The following ANKRD27 variants were observed in gnomAD, a reference collection of about 807,000 sequenced individuals.
ANKRD27 encodes ankyrin repeat domain 27, also known as ankyrin repeat domain-containing protein 27.
A neutral mutation model predicts 129.7 loss-of-function variants in ANKRD27; 112 were observed. The ratio of observed to expected loss-of-function variants is 0.86; its 90% CI spans 0.74 to 1.01. The LOEUF is 1.01. ANKRD27 is among the 50% of genes least tolerant of loss of function. ANKRD27 has a pLI of 0.00. For synonymous variants in ANKRD27, 516 were observed against 511.2 expected (o/e 1.01, Z -0.13); for missense variants, 1,258 against 1,300.5 (o/e 0.97, Z 0.50).
At chr19:32,665,709 T>C (rs1229914583) in intron 1 of ANKRD27, among the ~76,000 whole-genome samples, 1 of 152,008 alleles carries the variant, frequency 6.6e-6, no homozygotes, top group African/African-American at 2.4e-5. Context: ...TCCGCCCGCC[T>C]TGGCCTCACA....
At chr19:32,660,185 C>T (rs1017654410) in intron 1 of ANKRD27, among the ~76,000 whole-genome samples, 3 of 152,202 alleles carry the variant, frequency 2.0e-5, no homozygotes, top group Admixed American at 6.5e-5. Flanking sequence ...AATACTAACC[C>T]GCTAGGCGGG....
intron 3 of ANKRD27, among the ~76,000 whole-genome samples, chr19:32,648,888 G>A (rs1007553608): frequency 6.6e-6 from 1 of 151,754 alleles, no homozygotes; most frequent in Non-Finnish European, 1.5e-5. Flanking sequence ...CAGCTTGGGG[G>A]GAAGCACATT....
At chr19:32,654,865 T>C (rs1011853261) in intron 2 of ANKRD27, among the ~76,000 whole-genome samples, 1 of 152,140 alleles carries the variant, frequency 6.6e-6, no homozygotes, top group Non-Finnish European at 1.5e-5. Context: ...CATTGCAACC[T>C]CTGCCTCCAA....
intron 12 of ANKRD27, among the ~76,000 whole-genome samples, chr19:32,634,332 G>A (rs904004719): frequency 2.0e-5 from 3 of 152,170 alleles, no homozygotes; most frequent in African/African-American, 4.8e-5. Context: ...AAGCCACGAC[G>A]CCTGCTCCGT....
Position 32,604,324 on chromosome 19 carries a change from T to C in ANKRD27, c.2594A>G (p.His865Arg), listed in dbSNP as rs1272819223. Reference sequence around the variant, plus strand: ...GTTCAGCACCTGAACTGACGCTCCGTGGAGCAGAAGCAGCTCTACCACGAA... The same window carrying C: ...GTTCAGCACCTGAACTGACGCTCCGCGGAGCAGAAGCAGCTCTACCACGAA... ...HVFVVELLLL[H>R]GASVQVLNKR... is the part of the protein sequence containing the mutation. The change falls in exon 25 of 29, where the codon CAC becomes CGC. Residue 865 changes from histidine (H) to arginine (R), a missense_variant. His to Arg is a conservative substitution (Grantham distance 29, BLOSUM62 0). Transcript: ENST00000306065. 6.2e-7 allele frequency: 1 copy of C among 1,613,998 alleles called. No homozygotes were observed. The highest frequency in any genetic ancestry group is 8.5e-7 in the Non-Finnish European group (1 of 1,180,038).
chr19:32,657,131 C>A (rs1009612466), intron 2 of ANKRD27, among the ~76,000 whole-genome samples: 2 of 151,974 alleles, frequency 1.3e-5, no homozygotes, highest in African/African-American at 4.8e-5. Context: ...AGTTCAAGAC[C>A]AGCTGGGACA....
chr19:32,616,649 A>G lies in ANKRD27; in HGVS notation c.2053-869T>C, dbSNP rs796525858. On this transcript the variant is annotated intron_variant, in intron 21 of 28. Coordinates refer to ENST00000306065, the MANE Select transcript of ANKRD27 (RefSeq NM_032139.3). ...CAGAATCTAAGGAAGGCTGTCTCCAATGTCCACTCATTTCACTGTCAGATG... is the reference window on the plus strand; with the variant it reads ...CAGAATCTAAGGAAGGCTGTCTCCAGTGTCCACTCATTTCACTGTCAGATG... 1.8e-4 allele frequency among the ~76,000 whole-genome samples: 28 copies of G among 152,156 alleles called. 1 individual carries two copies. Among genetic ancestry groups the G allele is most frequent in the African/African-American group, 6.3e-4 (26 of 41,534 alleles).
chr19:32,648,420 G>A lies in ANKRD27; in HGVS notation c.213+1262C>T, dbSNP rs373375604. Among the ~76,000 whole-genome samples the A allele has an allele frequency of 3.3e-5, 5 of 152,220 alleles. No homozygotes were observed. The South Asian group carries it at 6.2e-4, about 19-fold the overall frequency. ...TAAATTATCTGAGTGTGATCATTGC[G>A]TTGTGGTTACATAAGAGAATGCCTG... is the stretch of plus-strand genomic sequence containing the variant. On this transcript the variant is annotated intron_variant, in intron 3 of 28. Coordinates refer to ENST00000306065, the MANE Select transcript of ANKRD27 (RefSeq NM_032139.3).
chr19:32,660,031 G>A (rs1056547677), intron 1 of ANKRD27, among the ~76,000 whole-genome samples: 1 of 152,218 alleles, frequency 6.6e-6, no homozygotes, highest in Non-Finnish European at 1.5e-5. Context: ...GGCTAAGGCA[G>A]GAGGATCCGC....
At position 32,661,247 on chromosome 19, in the gene ANKRD27, A is replaced by ACACC. The variant is rs1555748091; in HGVS notation, c.-30-2203_-30-2202insGGTG. On this transcript the variant is annotated intron_variant, in intron 1 of 28. Coordinates refer to ENST00000306065, the MANE Select transcript of ANKRD27 (RefSeq NM_032139.3). ...CACACACACACACACACACACACAC[A>ACACC]CACATATACTCACACCATCTCCTAG... Among the ~76,000 whole-genome samples the ACACC allele has an allele frequency of 2.0e-4, 8 of 40,602 alleles. No homozygotes were observed. In the South Asian group the frequency reaches 4.8e-3, roughly 24 times the overall value. 26.6% of individuals were successfully genotyped at this position (40,602 alleles called of 152,430 possible). A position where few individuals can be genotyped will look rare whatever the true frequency, so the allele number is the denominator to read the frequency against.
rs534521169 is a variant in ANKRD27, at chr19:32,673,427, C to T, written c.-31+1644G>A. The T allele has an allele frequency of 1.2e-5, 12 of 985,400 alleles. No individual in the cohort carries two copies. In the East Asian group the frequency reaches 3.4e-4, roughly 28 times the overall value. 61.0% of individuals were successfully genotyped at this position (985,400 alleles called of 1,614,324 possible). A position where few individuals can be genotyped will look rare whatever the true frequency, so the allele number is the denominator to read the frequency against. On this transcript the variant is annotated intron_variant, in intron 1 of 28. Coordinates refer to ENST00000306065, the MANE Select transcript of ANKRD27 (RefSeq NM_032139.3). ...CACAACAAAGCGATCTTTCCAGCGC[C>T]GAGCTCTGCAGGATTCCTCAAAGGA...
intron 17 of ANKRD27, among the ~76,000 whole-genome samples, chr19:32,623,554 T>G (rs957438733): frequency 3.3e-5 from 5 of 150,512 alleles, no homozygotes; most frequent in South Asian, 2.1e-4. Flanking sequence ...ACCTGTTGTT[T>G]TTTTTTTTTT....
intron 22 of ANKRD27, among the ~76,000 whole-genome samples, chr19:32,609,623 C>T (rs1248429735): frequency 6.8e-6 from 1 of 146,074 alleles, no homozygotes; most frequent in African/African-American, 2.6e-5. Flanking sequence ...TGATGAAAAG[C>T]AGGTCACGGG....
At chr19:32,598,804 T>G (rs1971608275) in intron 28 of ANKRD27, among the ~76,000 whole-genome samples, 1 of 152,206 alleles carries the variant, frequency 6.6e-6, no homozygotes, top group Non-Finnish European at 1.5e-5. Flanking sequence ...GGTATCAAAA[T>G]TAGTCATGTT....
At chr19:32,609,648 C>T (rs1158537178) in intron 22 of ANKRD27, among the ~76,000 whole-genome samples, 3 of 130,702 alleles carry the variant, frequency 2.3e-5, no homozygotes, top group South Asian at 2.4e-4. Context: ...CTGGGAGAGG[C>T]GATGGGGGAA....
At chr19:32,631,534 C>G (rs1165900852) in intron 12 of ANKRD27, 40 bp from the exon 13 acceptor site, 1 of 1,554,984 alleles carries the variant, frequency 6.4e-7, no homozygotes, top group Non-Finnish European at 8.9e-7. Flanking sequence ...GATGTCAGTG[C>G]AGATCCTTCA....
intron 28 of ANKRD27, among the ~76,000 whole-genome samples, chr19:32,598,977 G>A (rs558726017): frequency 1.3e-5 from 2 of 152,286 alleles, no homozygotes; most frequent in South Asian, 4.1e-4. Flanking sequence ...AAGCTTCTGA[G>A]TGATTTAAAA....
At position 32,607,703 on chromosome 19, in the gene ANKRD27, TG is replaced by T. The variant is rs746053563; in HGVS notation, c.2304del (p.Asn769ThrfsTer25). ...TGGTCTGCGTTCCTGGCACCTGCGT[TG>T]GCCCCGTGCTTCAGCAGGAGGGGGA... ...DLIPLLLKHG[A>X]NAGARNADQA... On this transcript the variant is annotated frameshift_variant, in exon 23 of 29. Transcript: ENST00000306065. LOFTEE classifies it high-confidence loss of function. 1.4e-5 allele frequency: 22 copies of T among 1,612,926 alleles called. No individual in the cohort carries two copies. The highest frequency in any genetic ancestry group is 2.5e-6 in the Non-Finnish European group (3 of 1,179,740).
In ANKRD27 at chr19:32,658,940, T is replaced by C. The variant is rs2145318246; in HGVS notation, c.76A>G (p.Ser26Gly). Residue 26 changes from serine (S) to glycine (G), a missense_variant, in exon 2 of 29, where the codon AGC (serine) becomes GGC (glycine). Physicochemically the swap from Ser to Gly is moderately conservative, Grantham distance 56 (BLOSUM62 0). Coordinates refer to ENST00000306065, the MANE Select transcript of ANKRD27 (RefSeq NM_032139.3). ...ATGCCATGGATTTGGGCCACTTTGCTGCACAAGTCAGGGCGGCACTTTTGC... is the reference window on the plus strand; with the variant it reads ...ATGCCATGGATTTGGGCCACTTTGCCGCACAAGTCAGGGCGGCACTTTTGC... ...ALQKCRPDLCSKVAQIHGIVL... is the reference protein window; with the variant it reads ...ALQKCRPDLCGKVAQIHGIVL... 6.2e-7 allele frequency: 1 copy of C among 1,614,078 alleles called. No homozygotes were observed. The highest frequency in any genetic ancestry group is 1.1e-5 in the South Asian group (1 of 91,082).
Sources: gnomAD v4.1 joint callset for allele counts (sites outside exome capture counted in the v4.1 genomes callset) on GRCh38, gnomAD v4.1.1 for gene constraint, MANE v1.5 for transcripts, NCBI Gene and HGNC (gene_info 2026-07-23, HGNC 2026-07-21) for gene names.